ARNT: variants seen among roughly 807,000 people sequenced by gnomAD.
ARNT encodes aryl hydrocarbon receptor nuclear translocator.
In ARNT, 30 loss-of-function variants were observed where a neutral mutation model predicts 105.0. The observed-to-expected ratio is 0.29, with a 90% CI of 0.21 to 0.39. The LOEUF is 0.39. Among genes scored for constraint, ARNT ranks in the 10% least tolerant of loss-of-function variants. The pLI is 1.00. For missense variants in ARNT, 748 were observed against 978.7 expected (o/e 0.76, Z 3.15); for synonymous variants, 304 against 344.0 (o/e 0.88, Z 1.29).
At chr1:150,843,943 A>G (rs913703058) in intron 4 of ARNT, among the ~76,000 whole-genome samples, 2 of 152,220 alleles carry the variant, frequency 1.3e-5, no homozygotes, top group Non-Finnish European at 2.9e-5. Context: ...TACTACTACT[A>G]CTACTACAGA....
At chr1:150,817,841 C>A in intron 15 of ARNT, 79 bp downstream of exon 15, 1 of 1,201,628 alleles carries the variant, frequency 8.3e-7, no homozygotes, top group Non-Finnish European at 1.2e-6. Context: ...ATTAACCAAC[C>A]GAACAAAAAA....
At chr1:150,834,831 C>A in intron 7 of ARNT, 191 bp from the exon 8 acceptor site, 1 of 512,606 alleles carries the variant, frequency 2.0e-6, no homozygotes. Flanking sequence ...CAATGAATCT[C>A]ACTCTTAAGT....
intron 4 of ARNT, among the ~76,000 whole-genome samples, chr1:150,843,022 T>G (rs1178159934): frequency 6.6e-6 from 1 of 152,160 alleles, no homozygotes; most frequent in Admixed American, 6.5e-5. Flanking sequence ...AAACAACACA[T>G]GCACGTGCCA....
chr1:150,833,629 A>G (rs952280631), intron 8 of ARNT, among the ~76,000 whole-genome samples: 1 of 152,212 alleles, frequency 6.6e-6, no homozygotes, highest in African/African-American at 2.4e-5. Flanking sequence ...GTCAATTTCC[A>G]TTATATAGCC....
intron 3 of ARNT, among the ~76,000 whole-genome samples, chr1:150,849,262 C>A (rs2102108071): frequency 6.6e-6 from 1 of 152,064 alleles, no homozygotes; most frequent in Admixed American, 6.6e-5. Flanking sequence ...CCCACACAAT[C>A]AAATCATTTT....
At chr1:150,864,002 T>C (rs981341604) in intron 1 of ARNT, among the ~76,000 whole-genome samples, 1 of 152,104 alleles carries the variant, frequency 6.6e-6, no homozygotes, top group Non-Finnish European at 1.5e-5. Context: ...CAAATCTAGA[T>C]GGTACAGCCA....
chr1:150,858,342 A>G lies in ARNT; in HGVS notation c.137+7T>C. The G allele has an allele frequency of 1.9e-6, 3 of 1,596,652 alleles. No homozygotes were observed. Among genetic ancestry groups the G allele is most frequent in the Non-Finnish European group, 2.6e-6 (3 of 1,168,774 alleles). On this transcript the variant is annotated splice_region_variant and intron_variant, in intron 2 of 21. Transcript: ENST00000358595. The stretch of plus-strand genomic sequence containing the variant: ...AGATATTCATAACACACTACACTCA[A>G]ACTCACCCTGGTCGCCGCTTAATAG...
chr1:150,853,608 A>C (rs146121110), intron 2 of ARNT, among the ~76,000 whole-genome samples: 42 of 152,338 alleles, frequency 2.8e-4, no homozygotes, highest in African/African-American at 9.9e-4. Context: ...TAAACATGTA[A>C]TATATACTTC....
intron 6 of ARNT, among the ~76,000 whole-genome samples, chr1:150,837,211 T>C (rs587691539): frequency 6.6e-6 from 1 of 152,302 alleles, no homozygotes; most frequent in South Asian, 2.1e-4. Context: ...TTCTCAATTC[T>C]AGATAAATCT....
intron 1 of ARNT, among the ~76,000 whole-genome samples, chr1:150,864,781 T>A (rs1252487215): frequency 2.9e-4 from 36 of 124,374 alleles, no homozygotes; most frequent in South Asian, 7.3e-4. Context: ...AATAAATAAA[T>A]AAATAAATAA....
chr1:150,872,713 C>T (rs1241440622), intron 1 of ARNT, among the ~76,000 whole-genome samples: 1 of 152,178 alleles, frequency 6.6e-6, no homozygotes, highest in Non-Finnish European at 1.5e-5. Flanking sequence ...ATAATCCCAG[C>T]TCTTGGGGAG....
At chr1:150,854,805 CAA>C (rs1261083149) in intron 2 of ARNT, among the ~76,000 whole-genome samples, 2 of 121,820 alleles carry the variant, frequency 1.6e-5, no homozygotes, top group Non-Finnish European at 3.2e-5. Context: ...TGCAGTGAGC[CAA>C]AATTGCGCCA....
At chr1:150,856,987 T>C (rs587651452) in intron 2 of ARNT, among the ~76,000 whole-genome samples, 32 of 152,298 alleles carry the variant, frequency 2.1e-4, no homozygotes, top group Non-Finnish European at 4.1e-4. Context: ...AAAGACTTCC[T>C]TTAATATATT....
intron 4 of ARNT, among the ~76,000 whole-genome samples, chr1:150,842,824 A>G (rs1661525252): frequency 6.6e-6 from 1 of 152,242 alleles, no homozygotes. Context: ...GGGACCAAAG[A>G]TATACAGAGT....
Position 150,826,614 on chromosome 1 carries a change from G to A in ARNT, c.1171C>T (p.Leu391Phe). The A allele has an allele frequency of 6.2e-7, 1 of 1,606,898 alleles. No homozygotes were observed. The highest frequency in any genetic ancestry group is 1.1e-5 in the South Asian group (1 of 90,730). ...VATVGYQPQE[L>F]LGKNIVEFCH... ...AATTCTACAATATTCTTTCCTAAGA[G>A]TTCCTAGAATACAGAAAGAAGAGTA... Residue 391 changes from leucine (L) to phenylalanine (F), a missense_variant, in exon 13 of 22, where the codon CTC becomes TTC. Transcript: ENST00000358595.
chr1:150,832,433 A>G, intron 8 of ARNT, 34 bp from the exon 9 acceptor site: 1 of 1,604,584 alleles, frequency 6.2e-7, no homozygotes. Flanking sequence ...AAAAGCAATC[A>G]GACTGCCCTA....
intron 16 of ARNT, 47 bp downstream of exon 16, chr1:150,817,314 C>CT (rs778177599): frequency 1.7e-5 from 28 of 1,611,814 alleles, no homozygotes; most frequent in Middle Eastern, 3.3e-4. Context: ...AGAACACTTC[C>CT]TAAGTAAATA....
intron 16 of ARNT, 26 bp downstream of exon 16, chr1:150,817,335 T>G: frequency 1.2e-6 from 2 of 1,613,632 alleles, no homozygotes; most frequent in Non-Finnish European, 1.7e-6. Context: ...CTCCCTACCC[T>G]CTTCAACGAA....
intron 6 of ARNT, among the ~76,000 whole-genome samples, chr1:150,837,859 TAA>T (rs935921257): frequency 2.8e-4 from 41 of 146,294 alleles, no homozygotes; most frequent in Non-Finnish European, 4.7e-4. Flanking sequence ...ATTTCCCTCT[TAA>T]AAAAAAAAAC....
Sources: allele counts gnomAD v4.1 joint callset (sites outside exome capture counted in the v4.1 genomes callset), GRCh38; gene constraint gnomAD v4.1.1; transcripts MANE v1.5; gene names NCBI Gene and HGNC (gene_info 2026-07-23, HGNC 2026-07-21).